The following ARL1 variants were observed in gnomAD, a reference collection of about 807,000 sequenced individuals.
The protein encoded by ARL1 is ADP-ribosylation factor-like protein 1.
ARL1 carries 17 observed loss-of-function variants against 30.1 expected under a neutral mutation model. The ratio of observed to expected loss-of-function variants is 0.56; its 90% CI spans 0.39 to 0.85. The LOEUF (loss-of-function observed/expected upper bound fraction) is 0.85, where lower values mean the gene tolerates loss of function less well. Among genes scored for constraint, ARL1 ranks in the 40% least tolerant of loss-of-function variants. The pLI, the probability that ARL1 is intolerant of heterozygous loss-of-function variation, is 0.00. For synonymous variants in ARL1, 58 were observed against 71.7 expected, an observed-to-expected ratio of 0.81 and a Z score of 0.97; for missense variants, 102 against 212.6, an observed-to-expected ratio of 0.48 and a Z score of 3.24.
At chr12:101,406,123 C>CA (rs1202572352) in intron 1 of ARL1, 142 bp from the exon 2 acceptor site, 1 of 644,552 alleles carries the variant, frequency 1.6e-6, no homozygotes, top group Non-Finnish European at 2.5e-6. Flanking sequence ...TTTTTCCTCC[C>CA]AATGAAATAT....
intron 4 of ARL1, among the ~76,000 whole-genome samples, chr12:101,399,772 T>A (rs559853183): frequency 4.7e-4 from 71 of 152,172 alleles, no homozygotes; most frequent in Non-Finnish European, 8.8e-4. Context: ...ATCCTCTGAA[T>A]TTGATCAGTT....
At chr12:101,407,563 G>A in intron 1 of ARL1, 79 bp downstream of exon 1, 4 of 1,588,144 alleles carry the variant, frequency 2.5e-6, no homozygotes, top group Non-Finnish European at 3.4e-6. Context: ...ATCCTGGCCG[G>A]CCCCTCTCCT....
rs183329731 is a variant in ARL1 at position 101,404,132 on chromosome 12, T to C, written c.143-1186A>G. Among the ~76,000 whole-genome samples, 5 of 152,260 alleles carry C rather than the reference T, an allele frequency of 3.3e-5. No homozygotes were observed. In the East Asian group the frequency reaches 9.6e-4, roughly 29 times the overall value. On this transcript the variant is annotated intron_variant, in intron 2 of 5. Transcript: ENST00000261636. ...TTTGAGCAAAAAACTAAAATGCAAGTTCATGATGTCTCCCTTAGAATTAGG... is the reference window on the plus strand; with the variant it reads ...TTTGAGCAAAAAACTAAAATGCAAGCTCATGATGTCTCCCTTAGAATTAGG...
chr12:101,403,874 C>T (rs556952114), intron 2 of ARL1, among the ~76,000 whole-genome samples: 2 of 152,234 alleles, frequency 1.3e-5, no homozygotes, highest in African/African-American at 2.4e-5. Context: ...GCATGAGAAT[C>T]GCTTGAACCT....
chr12:101,407,700 G>T lies in ARL1; in HGVS notation c.-55C>A. On this transcript the variant is annotated 5_prime_UTR_variant, in exon 1 of 6. Coordinates refer to ENST00000261636, the MANE Select transcript of ARL1 (RefSeq NM_001177.6). ...TTCAGTGATTCCTTGGCCTTCGGCT[G>T]CAGCTCCGAGGCGGTTTCCTCGCAA... The T allele has an allele frequency of 6.2e-7, 1 of 1,609,876 alleles. No individual in the cohort carries two copies.
At chr12:101,402,303 C>G (rs983489707) in intron 3 of ARL1, among the ~76,000 whole-genome samples, 1 of 152,190 alleles carries the variant, frequency 6.6e-6, no homozygotes, top group Non-Finnish European at 1.5e-5. Context: ...ATTCTCCTGC[C>G]TCAGCCTCCC....
intron 2 of ARL1, chr12:101,403,180 T>C (rs1212110892): frequency 2.1e-6 from 1 of 481,524 alleles, no homozygotes; most frequent in Non-Finnish European, 3.8e-6. Context: ...CCCCCACACA[T>C]GTGCAGGTGT....
chr12:101,407,776 G>C, upstream of ARL1: 1 of 1,365,938 alleles, frequency 7.3e-7, no homozygotes, highest in Non-Finnish European at 1.0e-6. Context: ...GGGCGGGAGC[G>C]AGGGTCAGCT....
At chr12:101,406,775 T>C (rs570527064) in intron 1 of ARL1, among the ~76,000 whole-genome samples, 1 of 152,244 alleles carries the variant, frequency 6.6e-6, no homozygotes, top group Admixed American at 6.5e-5. Flanking sequence ...ACAGAATAGG[T>C]GTGACTTGAC....
At chr12:101,400,799 G>A (rs17031386) in intron 4 of ARL1, among the ~76,000 whole-genome samples, 2,345 of 152,284 alleles carry the variant, frequency 0.015, 64 homozygotes, top group African/African-American at 0.052. Context: ...ACTTAGAATA[G>A]ATGCTTTTGT....
intron 3 of ARL1, among the ~76,000 whole-genome samples, chr12:101,402,377 C>T (rs1295245097): frequency 4.6e-5 from 7 of 152,096 alleles, no homozygotes; most frequent in African/African-American, 1.7e-4. Context: ...TTAGTAGAGA[C>T]GAGGTTTCAC....
At chr12:101,407,330 G>A (rs1007958006) in intron 1 of ARL1, 1 of 361,426 alleles carries the variant, frequency 2.8e-6, no homozygotes, top group African/African-American at 2.1e-5. Flanking sequence ...CCAGCAAGTG[G>A]AGCTGGGGAT....
At chr12:101,402,714 C>T (rs1003861225) in intron 3 of ARL1, 151 bp downstream of exon 3, 5 of 476,864 alleles carry the variant, frequency 1.0e-5, no homozygotes, top group African/African-American at 1.9e-5. Context: ...AATGGATGCT[C>T]TAAGGAAATA....
Position 101,395,264 on chromosome 12 carries a change from ATC to A in ARL1, c.*374_*375del, listed in dbSNP as rs2121101324. 1 of 168,848 alleles carries A rather than the reference ATC, an allele frequency of 5.9e-6. No homozygotes were observed. The highest frequency in any genetic ancestry group is 2.0e-4 in the South Asian group (1 of 5,046). The allele number at this position is 168,848 out of a possible 1,614,324, so 10.5% of individuals were successfully genotyped here. A position where few individuals can be genotyped will look rare whatever the true frequency, so the allele number is the denominator to read the frequency against. ...GATAATTCATTTTAAGGGGAAAAAA[ATC>A]TGTTAAGATATTTTTTAGTATTTAT... On this transcript the variant is annotated 3_prime_UTR_variant, in exon 6 of 6. Coordinates refer to ENST00000261636, the MANE Select transcript of ARL1 (RefSeq NM_001177.6).
chr12:101,406,127 G>A (rs1871435044), intron 1 of ARL1, 146 bp from the exon 2 acceptor site: 1 of 635,890 alleles, frequency 1.6e-6, no homozygotes, highest in Non-Finnish European at 2.6e-6. Flanking sequence ...TCCTCCCAAT[G>A]AAATATATTA....
At chr12:101,396,094 G>A (rs1004344942) in intron 5 of ARL1, 9 of 583,110 alleles carry the variant, frequency 1.5e-5, no homozygotes, top group Non-Finnish European at 2.7e-5. Flanking sequence ...ATTAGGAAAA[G>A]CTCTTCAGAA....
intron 2 of ARL1, among the ~76,000 whole-genome samples, chr12:101,405,444 G>A (rs1871413558): frequency 1.3e-5 from 2 of 152,024 alleles, no homozygotes; most frequent in African/African-American, 2.4e-5. Context: ...AAAGATACTG[G>A]CTCTCAGTAA....
rs1366121188 is a variant in ARL1 at position 101,394,375 on chromosome 12, T to G, written c.*1265A>C. The G allele has an allele frequency of 6.6e-6, 1 of 152,240 alleles. No individual in the cohort carries two copies. The highest frequency in any genetic ancestry group is 2.4e-5 in the African/African-American group (1 of 41,458). The allele number at this position is 152,240 out of a possible 1,614,324, so 9.4% of individuals were successfully genotyped here. ...AAATTCACCCTGTTTTTAGCAATTA[T>G]GACGCACTATATTTACTTCTGTCAC... On this transcript the variant is annotated 3_prime_UTR_variant, in exon 6 of 6. Coordinates refer to ENST00000261636, the MANE Select transcript of ARL1 (RefSeq NM_001177.6).
At chr12:101,402,430 G>A (rs760660652) in intron 3 of ARL1, among the ~76,000 whole-genome samples, 45 of 152,218 alleles carry the variant, frequency 3.0e-4, no homozygotes, top group Admixed American at 3.9e-4. Context: ...CTGATGATCC[G>A]CCCACCTCGG....
Sources: allele counts gnomAD v4.1 joint callset (sites outside exome capture counted in the v4.1 genomes callset), GRCh38; gene constraint gnomAD v4.1.1; transcripts MANE v1.5; gene names NCBI Gene and HGNC (gene_info 2026-07-23, HGNC 2026-07-21).